FANCC: variants seen among roughly 807,000 people sequenced by gnomAD.
FANCC encodes Fanconi anemia group C protein.
A neutral mutation model predicts 71.3 loss-of-function variants in FANCC; 55 were observed. The observed-to-expected ratio is 0.77, with a 90% CI of 0.62 to 0.97. The LOEUF is 0.97. Ranked by LOEUF, FANCC falls within the 50% of genes least tolerant of loss-of-function variation. FANCC has a pLI of 0.00. For synonymous variants in FANCC, 275 were observed against 244.9 expected, an observed-to-expected ratio of 1.12 and a Z score of -1.15; for missense variants, 678 against 670.9, an observed-to-expected ratio of 1.01 and a Z score of -0.12.
chr9:95,240,553 G>C, intron 4 of FANCC, 96 bp downstream of exon 4: 3 of 794,420 alleles, frequency 3.8e-6, no homozygotes, highest in Non-Finnish European at 6.6e-6. Context: ...AAACATCATA[G>C]AACTGGATTC....
intron 1 of FANCC, among the ~76,000 whole-genome samples, chr9:95,286,092 A>T (rs1339205192): frequency 2.0e-5 from 3 of 152,234 alleles, no homozygotes; most frequent in African/African-American, 7.2e-5. Context: ...TATATACAAT[A>T]TGATTGCAAT....
intron 4 of FANCC, among the ~76,000 whole-genome samples, chr9:95,195,154 C>T (rs371927039): frequency 4.4e-5 from 6 of 134,904 alleles, no homozygotes; most frequent in Admixed American, 7.8e-5. Flanking sequence ...GCCAAGATGG[C>T]GCCACTGCAC....
intron 1 of FANCC, among the ~76,000 whole-genome samples, chr9:95,306,644 C>T (rs1396911954): frequency 6.6e-6 from 1 of 152,140 alleles, no homozygotes; most frequent in Admixed American, 6.5e-5. Flanking sequence ...ATGTTTTCTG[C>T]TAAAATCAGT....
chr9:95,201,849 T>G (rs1475942314), intron 4 of FANCC, among the ~76,000 whole-genome samples: 3 of 152,182 alleles, frequency 2.0e-5, no homozygotes, highest in Non-Finnish European at 4.4e-5. Flanking sequence ...AGTCGCAGGT[T>G]TAAAGGTTTC....
intron 4 of FANCC, among the ~76,000 whole-genome samples, chr9:95,211,946 A>G (rs1381461559): frequency 6.6e-6 from 1 of 151,970 alleles, no homozygotes; most frequent in African/African-American, 2.4e-5. Flanking sequence ...AAGCAAAATT[A>G]AGCAGACTAA....
intron 4 of FANCC, among the ~76,000 whole-genome samples, chr9:95,214,149 C>G (rs531238302): frequency 1.3e-5 from 2 of 152,290 alleles, no homozygotes; most frequent in Admixed American, 6.5e-5. Context: ...GAAAATGGGC[C>G]AGGTGTGGTG....
chr9:95,247,624 AT>A, intron 2 of FANCC, 108 bp from the exon 3 acceptor site: 1 of 761,508 alleles, frequency 1.3e-6, no homozygotes, highest in Non-Finnish European at 2.3e-6. Flanking sequence ...TTAGTATACC[AT>A]TTTTAAAAGT....
chr9:95,142,131 T>C (rs1445834567), intron 7 of FANCC, among the ~76,000 whole-genome samples: 1 of 151,814 alleles, frequency 6.6e-6, no homozygotes, highest in Non-Finnish European at 1.5e-5. Context: ...TAGCTGGGAC[T>C]ACAGGCACCT....
At chr9:95,232,517 T>C (rs1830068380) in intron 4 of FANCC, among the ~76,000 whole-genome samples, 1 of 152,242 alleles carries the variant, frequency 6.6e-6, no homozygotes, top group South Asian at 2.1e-4. Context: ...AGTACTTTAT[T>C]AAATTCACTA....
At chr9:95,177,365 GTTGCT>G (rs1200429099) in intron 4 of FANCC, among the ~76,000 whole-genome samples, 1 of 152,230 alleles carries the variant, frequency 6.6e-6, no homozygotes, top group Non-Finnish European at 1.5e-5. Flanking sequence ...AGAACTGGAA[GTTGCT>G]CTGGGTGAGT....
At chr9:95,155,716 T>C (rs1420812025) in intron 6 of FANCC, among the ~76,000 whole-genome samples, 1 of 151,958 alleles carries the variant, frequency 6.6e-6, no homozygotes, top group Non-Finnish European at 1.5e-5. Flanking sequence ...AACAATCTTC[T>C]TTTCTCTTTC....
chr9:95,127,660 CAGAGTGCATTTG>C (rs1826208446), intron 8 of FANCC, among the ~76,000 whole-genome samples: 1 of 152,230 alleles, frequency 6.6e-6, no homozygotes, highest in Admixed American at 6.5e-5. Flanking sequence ...AAATTCAAGT[CAGAGTGCATTTG>C]ATATGACTAG....
intron 10 of FANCC, among the ~76,000 whole-genome samples, chr9:95,122,424 C>T (rs1052731527): frequency 6.6e-6 from 1 of 152,130 alleles, no homozygotes; most frequent in African/African-American, 2.4e-5. Flanking sequence ...CACTCAGGTC[C>T]AGCTCTAGGA....
intron 1 of FANCC, among the ~76,000 whole-genome samples, chr9:95,255,920 A>C (rs1474952868): frequency 6.6e-6 from 1 of 151,902 alleles, no homozygotes; most frequent in Non-Finnish European, 1.5e-5. Context: ...GATCAAGCAG[A>C]AGAAAGGATA....
chr9:95,291,769 G>A (rs1010443505), intron 1 of FANCC, among the ~76,000 whole-genome samples: 14 of 151,448 alleles, frequency 9.2e-5, no homozygotes, highest in African/African-American at 2.2e-4. Context: ...CCAACATGGC[G>A]AAACCCCATC....
At chr9:95,316,950 G>A (rs1389143008) in intron 1 of FANCC, 5 of 152,214 alleles carry the variant, frequency 3.3e-5, no homozygotes, top group African/African-American at 1.2e-4. Flanking sequence ...AGGGCGGGAG[G>A]GGTAACAGCC....
intron 4 of FANCC, among the ~76,000 whole-genome samples, chr9:95,182,468 C>G (rs1000808362): frequency 6.6e-6 from 1 of 152,156 alleles, no homozygotes; most frequent in Non-Finnish European, 1.5e-5. Flanking sequence ...TGCAGTTAGC[C>G]AAGATCGCGC....
intron 1 of FANCC, among the ~76,000 whole-genome samples, chr9:95,254,533 T>C (rs1251025994): frequency 6.6e-6 from 1 of 152,210 alleles, no homozygotes; most frequent in East Asian, 1.9e-4. Flanking sequence ...CCGTGAGGAA[T>C]GGTGCATTCC....
intron 4 of FANCC, among the ~76,000 whole-genome samples, chr9:95,185,001 A>G (rs1166235060): frequency 2.0e-5 from 3 of 152,254 alleles, no homozygotes; most frequent in African/African-American, 7.2e-5. Flanking sequence ...CTTGTAACAC[A>G]GTTTCACTGA....
Sources: gnomAD v4.1 joint callset for allele counts (sites outside exome capture counted in the v4.1 genomes callset) on GRCh38, gnomAD v4.1.1 for gene constraint, MANE v1.5 for transcripts, NCBI Gene and HGNC (gene_info 2026-07-23, HGNC 2026-07-21) for gene names.